LNX1: variants seen among roughly 807,000 people sequenced by gnomAD.
LNX1 encodes E3 ubiquitin-protein ligase LNX.
A neutral mutation model predicts 68.4 loss-of-function variants in LNX1; 54 were observed. The observed-to-expected ratio is 0.79, with a 90% CI of 0.63 to 0.99. The LOEUF (loss-of-function observed/expected upper bound fraction) is 0.99. LNX1 is among the 50% of genes least tolerant of loss of function. The pLI, the probability that LNX1 is intolerant of heterozygous loss-of-function variation, is 0.00. For synonymous variants in LNX1, 336 were observed against 350.0 expected (o/e 0.96, Z 0.45); for missense variants, 906 against 926.4 (o/e 0.98, Z 0.29).
intron 9 of LNX1, among the ~76,000 whole-genome samples, chr4:53,473,487 T>A (rs969105016): frequency 6.6e-6 from 1 of 152,172 alleles, no homozygotes; most frequent in East Asian, 1.9e-4. Context: ...AAGAACAAGA[T>A]CATGTCTTTT....
chr4:53,532,082 C>T (rs1179853278), intron 2 of LNX1, among the ~76,000 whole-genome samples: 4 of 152,160 alleles, frequency 2.6e-5, no homozygotes, highest in Admixed American at 6.5e-5. Context: ...ACAAGGATGA[C>T]GTTATTTCTA....
intron 6 of LNX1, among the ~76,000 whole-genome samples, chr4:53,483,114 C>T (rs1253744181): frequency 6.6e-6 from 1 of 152,120 alleles, no homozygotes; most frequent in African/African-American, 2.4e-5. Flanking sequence ...CAGGAGGTAA[C>T]TGATTCATGG....
intron 2 of LNX1, among the ~76,000 whole-genome samples, chr4:53,523,528 C>T (rs1727391522): frequency 6.6e-6 from 1 of 152,208 alleles, no homozygotes; most frequent in African/African-American, 2.4e-5. Flanking sequence ...CTCAAGTGAT[C>T]TCCCTGCCTT....
intron 1 of LNX1, among the ~76,000 whole-genome samples, chr4:53,635,014 C>G (rs968837482): frequency 6.6e-6 from 1 of 151,406 alleles, no homozygotes; most frequent in African/African-American, 2.4e-5. Context: ...ATTTTTTGTA[C>G]GCAAGAAGTC....
intron 2 of LNX1, among the ~76,000 whole-genome samples, chr4:53,557,012 G>A (rs1250741309): frequency 6.6e-6 from 1 of 152,202 alleles, no homozygotes; most frequent in African/African-American, 2.4e-5. Context: ...TTTTGCAAAT[G>A]TTCCAAACAC....
intron 2 of LNX1, among the ~76,000 whole-genome samples, chr4:53,518,012 G>A (rs1239586613): frequency 3.9e-5 from 6 of 152,082 alleles, no homozygotes; most frequent in Non-Finnish European, 7.3e-5. Context: ...CCAAACTGCT[G>A]GGAAAATGTC....
rs564062624 is a variant in LNX1 at position 53,551,604 on chromosome 4, T to C, written c.380+22019A>G. 3.4e-4 allele frequency among the ~76,000 whole-genome samples: 52 copies of C among 152,250 alleles called. 1 individual carries two copies. Among genetic ancestry groups the C allele is most frequent in the South Asian group, 1.7e-3 (8 of 4,830 alleles). On this transcript the variant is annotated intron_variant, in intron 2 of 10. Transcript: ENST00000263925. Reference sequence around the variant, plus strand: ...CCAAGTGCCTGAATGCCACTGTGGATGCGGACAGCCCACTCCAAGGGAAGA... The same window carrying C: ...CCAAGTGCCTGAATGCCACTGTGGACGCGGACAGCCCACTCCAAGGGAAGA...
chr4:53,519,805 G>A (rs181528662), intron 2 of LNX1, among the ~76,000 whole-genome samples: 49 of 152,182 alleles, frequency 3.2e-4, no homozygotes, highest in Non-Finnish European at 6.2e-4. Context: ...TTGCAAATGC[G>A]GGAACTTAAT....
chr4:53,568,935 C>T (rs2109764535), intron 2 of LNX1, among the ~76,000 whole-genome samples: 1 of 151,958 alleles, frequency 6.6e-6, no homozygotes, highest in South Asian at 2.1e-4. Context: ...GAATAAAATA[C>T]CTAGGAATCC....
intron 2 of LNX1, among the ~76,000 whole-genome samples, chr4:53,599,027 G>A (rs906004711): frequency 3.9e-5 from 6 of 152,140 alleles, no homozygotes; most frequent in African/African-American, 1.4e-4. Context: ...GAGACAGCAG[G>A]CCAGATTGTT....
At chr4:53,484,936 T>C (rs1724189032) in intron 6 of LNX1, among the ~76,000 whole-genome samples, 1 of 152,238 alleles carries the variant, frequency 6.6e-6, no homozygotes, top group Non-Finnish European at 1.5e-5. Context: ...ACAAGGCTAA[T>C]GTGCCCTTCC....
chr4:53,496,118 G>T lies in LNX1; in HGVS notation c.1255C>A (p.Arg419=). ...FNVLDGGVAY[R]HGQLEENDRV... is the part of the protein sequence containing the mutation. ...TCATTCTCCTCAAGCTGACCATGTCGATATGCCACACCGCCATCCAGCACA... is the reference window on the plus strand; with the variant it reads ...TCATTCTCCTCAAGCTGACCATGTCTATATGCCACACCGCCATCCAGCACA... The change falls in exon 6 of 11, where the codon CGA becomes AGA. Residue 419 remains arginine, a synonymous_variant. Coordinates refer to ENST00000263925, the MANE Select transcript of LNX1 (RefSeq NM_001126328.3). 6.2e-7 allele frequency: 1 copy of T among 1,614,102 alleles called. No homozygotes were observed. The highest frequency in any genetic ancestry group is 8.5e-7 in the Non-Finnish European group (1 of 1,180,010).
chr4:53,616,774 T>A (rs1313495374), intron 1 of LNX1, among the ~76,000 whole-genome samples: 1 of 152,208 alleles, frequency 6.6e-6, no homozygotes, highest in African/African-American at 2.4e-5. Flanking sequence ...TTGATTTCCA[T>A]AAAGGAAATG....
chr4:53,581,558 G>T (rs1420923901), intron 1 of LNX1, among the ~76,000 whole-genome samples: 5 of 152,284 alleles, frequency 3.3e-5, no homozygotes, highest in Non-Finnish European at 7.4e-5. Flanking sequence ...TCACAATCAT[G>T]GCGGAAGGTG....
At chr4:53,512,586 TC>T (rs1726433936) in intron 2 of LNX1, among the ~76,000 whole-genome samples, 1 of 151,932 alleles carries the variant, frequency 6.6e-6, no homozygotes, top group Non-Finnish European at 1.5e-5. Context: ...CCATTTCTGA[TC>T]CAAGTCCAAA....
intron 2 of LNX1, among the ~76,000 whole-genome samples, chr4:53,511,841 C>G (rs1300306163): frequency 2.0e-5 from 3 of 152,180 alleles, no homozygotes; most frequent in Admixed American, 2.0e-4. Flanking sequence ...GCAGCGTGAT[C>G]TGGGTTCCCA....
chr4:53,570,492 C>T (rs1442423023), intron 2 of LNX1, among the ~76,000 whole-genome samples: 2 of 118,486 alleles, frequency 1.7e-5, no homozygotes, highest in African/African-American at 6.7e-5. Context: ...GGAAGGGGAA[C>T]ATCACACTCT....
intron 2 of LNX1, among the ~76,000 whole-genome samples, chr4:53,597,280 T>C (rs1326043424): frequency 2.0e-5 from 3 of 152,202 alleles, no homozygotes; most frequent in Non-Finnish European, 2.9e-5. Flanking sequence ...ATCTTTTCAG[T>C]AGTCATTCAC....
At chr4:53,632,189 A>C (rs1734304773) in intron 1 of LNX1, among the ~76,000 whole-genome samples, 1 of 152,160 alleles carries the variant, frequency 6.6e-6, no homozygotes, top group Non-Finnish European at 1.5e-5. Context: ...TGCGGTGGCC[A>C]GGTCTTTGGA....
Sources: gnomAD v4.1 joint callset for allele counts (sites outside exome capture counted in the v4.1 genomes callset) on GRCh38, gnomAD v4.1.1 for gene constraint, MANE v1.5 for transcripts, NCBI Gene and HGNC (gene_info 2026-07-23, HGNC 2026-07-21) for gene names.